Variants in SCUBE1 observed in about 807,000 individuals in gnomAD.
The protein encoded by SCUBE1 is signal peptide, CUB domain and EGF like domain containing 1, also known as signal peptide, CUB and EGF-like domain-containing protein 1.
A neutral mutation model predicts 124.4 loss-of-function variants in SCUBE1; 59 were observed. The ratio of observed to expected loss-of-function variants is 0.47; its 90% CI spans 0.38 to 0.59. SCUBE1 has a LOEUF of 0.59. Ranked by LOEUF, SCUBE1 falls within the 20% of genes least tolerant of loss-of-function variation. The pLI is 0.00. For synonymous variants in SCUBE1, 545 were observed against 550.9 expected, an observed-to-expected ratio of 0.99 and a Z score of 0.15; for missense variants, 1,150 against 1,371.2, an observed-to-expected ratio of 0.84 and a Z score of 2.55.
intron 3 of SCUBE1, among the ~76,000 whole-genome samples, chr22:43,302,235 G>T (rs1351856838): frequency 6.6e-6 from 1 of 152,220 alleles, no homozygotes; most frequent in Admixed American, 6.5e-5. Flanking sequence ...TGCATGACGG[G>T]ATCCATGTTG....
intron 3 of SCUBE1, among the ~76,000 whole-genome samples, chr22:43,302,475 T>G (rs1480020770): frequency 6.6e-6 from 1 of 152,224 alleles, no homozygotes; most frequent in East Asian, 1.9e-4. Context: ...CTTGAACTTC[T>G]AGATCACAGG....
At chr22:43,289,432 C>T (rs1307976314) in intron 4 of SCUBE1, among the ~76,000 whole-genome samples, 1 of 152,234 alleles carries the variant, frequency 6.6e-6, no homozygotes, top group East Asian at 1.9e-4. Context: ...TGCCAGGAGC[C>T]ACGGAGCTCG....
In SCUBE1 at chr22:43,231,893, G is replaced by C; in HGVS notation, c.845-18C>G. ...GTTGATGTCTGTGGGAGCCAAGGGG[G>C]ATGGAGGAGTGAGAGCCAGGAGAAT... is the stretch of plus-strand genomic sequence containing the variant. On this transcript the variant is annotated intron_variant, in intron 7 of 21. Coordinates refer to ENST00000360835, the MANE Select transcript of SCUBE1 (RefSeq NM_173050.5). 14 of 1,610,610 alleles carry C rather than the reference G, an allele frequency of 8.7e-6. No individual in the cohort carries two copies. Among genetic ancestry groups the C allele is most frequent in the Non-Finnish European group, 1.2e-5 (14 of 1,177,300 alleles).
chr22:43,210,991 G>C lies in SCUBE1; in HGVS notation c.2314C>G (p.His772Asp). 2.5e-6 allele frequency: 4 copies of C among 1,614,168 alleles called. No individual in the cohort carries two copies. The highest frequency in any genetic ancestry group is 3.4e-6 in the Non-Finnish European group (4 of 1,180,028). ...GTGTTGCCCGGACAGGTGATGCAGT[G>C]GTTCTGGCCAAACTCGGGCTGGTAG... ...GTYQPEFGQNHCITCPGNTST... is the reference protein window; with the variant it reads ...GTYQPEFGQNDCITCPGNTST... The change falls in exon 18 of 22, where the codon CAC (histidine) becomes GAC (aspartate). Residue 772 changes from histidine (H) to aspartate (D), a missense_variant. Physicochemically the swap from His to Asp is moderately conservative, Grantham distance 81. Transcript: ENST00000360835. The surrounding 1 kb of genome is among the most constrained non-coding windows in gnomAD (Gnocchi z 4.5).
rs1490092222 is a variant in SCUBE1 at position 43,199,580 on chromosome 22, C to T, written c.*4417G>A. ...TGGAGAGAAAGCTGCCTGAGGCCTC[C>T]ACCGTGGGCCCACCGTGAGCCCTGC... On this transcript the variant is annotated 3_prime_UTR_variant, in exon 22 of 22. Transcript: ENST00000360835. 6.6e-6 allele frequency: 1 copy of T among 151,280 alleles called. No individual in the cohort carries two copies. Among genetic ancestry groups the T allele is most frequent in the African/African-American group, 2.5e-5 (1 of 40,810 alleles). The allele number at this position is 151,280 out of a possible 1,614,324, so 9.4% of individuals were successfully genotyped here. A position where few individuals can be genotyped will look rare whatever the true frequency, so the allele number is the denominator to read the frequency against.
chr22:43,272,124 G>A (rs1258556622), intron 4 of SCUBE1, among the ~76,000 whole-genome samples: 1 of 152,148 alleles, frequency 6.6e-6, no homozygotes, highest in Non-Finnish European at 1.5e-5. Flanking sequence ...AGGGAACTCT[G>A]CTCCTCTCGT....
intron 12 of SCUBE1, among the ~76,000 whole-genome samples, 179 bp downstream of exon 12, chr22:43,222,459 C>T (rs1359472547): frequency 2.0e-5 from 3 of 152,202 alleles, no homozygotes; most frequent in South Asian, 4.1e-4. Context: ...ACTCGGCCTG[C>T]AGCCTGCTGG....
chr22:43,261,705 G>C (rs1038012077), intron 5 of SCUBE1, among the ~76,000 whole-genome samples: 1 of 152,216 alleles, frequency 6.6e-6, no homozygotes, highest in Non-Finnish European at 1.5e-5. Context: ...TCTCTATTGG[G>C]AGTTGGAACT....
In SCUBE1 at chr22:43,234,503, T is replaced by C. The variant is rs1359106253; in HGVS notation, c.845-2628A>G. On this transcript the variant is annotated intron_variant, in intron 7 of 21. Coordinates refer to ENST00000360835, the MANE Select transcript of SCUBE1 (RefSeq NM_173050.5). The surrounding 1 kb of genome is among the most constrained non-coding windows in gnomAD (Gnocchi z 4.4). ...GGGCCTGTCTGCTAAGGGGCTGTCA[T>C]AGCAACCAGACAGGCAGAGGGAGGC... 3.9e-5 allele frequency among the ~76,000 whole-genome samples: 6 copies of C among 152,124 alleles called. No homozygotes were observed. Among genetic ancestry groups the C allele is most frequent in the Admixed American group, 3.9e-4 (6 of 15,270 alleles).
rs1468963908 is a variant in SCUBE1 at position 43,199,526 on chromosome 22, T to C, written c.*4471A>G. 6.6e-6 allele frequency: 1 copy of C among 151,360 alleles called. No individual in the cohort carries two copies. Among genetic ancestry groups the C allele is most frequent in the Non-Finnish European group, 1.5e-5 (1 of 68,086 alleles). 9.4% of individuals were successfully genotyped at this position (151,360 alleles called of 1,614,324 possible). A position where few individuals can be genotyped will look rare whatever the true frequency, so the allele number is the denominator to read the frequency against. On this transcript the variant is annotated 3_prime_UTR_variant, in exon 22 of 22. Coordinates refer to ENST00000360835, the MANE Select transcript of SCUBE1 (RefSeq NM_173050.5). ...TTTGGCCCGTGTTTCAGCTCTACTT[T>C]ATCTGTGTGTCCTAAGCCAATGGGT...
intron 6 of SCUBE1, among the ~76,000 whole-genome samples, chr22:43,257,969 GC>G (rs2146706371): frequency 6.6e-6 from 1 of 152,300 alleles, no homozygotes; most frequent in South Asian, 2.1e-4. Flanking sequence ...CCCACGTCAG[GC>G]GTCGCCAGGG....
At chr22:43,244,168 C>A (rs1185127401) in intron 6 of SCUBE1, among the ~76,000 whole-genome samples, 1 of 152,146 alleles carries the variant, frequency 6.6e-6, no homozygotes. Context: ...ACCTCCCAGC[C>A]CATGCCCCGC....
chr22:43,209,655 G>A (rs926797812), intron 19 of SCUBE1, among the ~76,000 whole-genome samples: 3 of 152,366 alleles, frequency 2.0e-5, no homozygotes, highest in Non-Finnish European at 4.4e-5. Flanking sequence ...CAGCGGGCGG[G>A]AGGAGACCCA....
intron 4 of SCUBE1, among the ~76,000 whole-genome samples, chr22:43,264,835 A>G (rs1010903367): frequency 6.6e-6 from 1 of 151,946 alleles, no homozygotes; most frequent in South Asian, 2.1e-4. Flanking sequence ...CCATAAACTA[A>G]ATCCTAGGCC....
At chr22:43,232,046 C>G (rs1922576696) in intron 7 of SCUBE1, 171 bp from the exon 8 acceptor site, 1 of 674,498 alleles carries the variant, frequency 1.5e-6, no homozygotes, top group Non-Finnish European at 2.6e-6. Context: ...GGGGCCCTGT[C>G]TCGCAGGGGT....
intron 20 of SCUBE1, 63 bp downstream of exon 20, chr22:43,208,009 C>A: frequency 6.3e-7 from 1 of 1,582,584 alleles, no homozygotes; most frequent in Non-Finnish European, 8.7e-7. Flanking sequence ...TGCGACTCAT[C>A]TCTGTGTCTC....
chr22:43,268,150 G>C (rs1002357935), intron 4 of SCUBE1, among the ~76,000 whole-genome samples: 5 of 152,226 alleles, frequency 3.3e-5, no homozygotes, highest in African/African-American at 7.2e-5. Flanking sequence ...CAGAGCAGGG[G>C]CCCAGTCTAC....
At chr22:43,341,075 C>T (rs1320364955) in intron 1 of SCUBE1, among the ~76,000 whole-genome samples, 1 of 128,522 alleles carries the variant, frequency 7.8e-6, no homozygotes, top group Non-Finnish European at 1.7e-5. Flanking sequence ...ACAGCATGAC[C>T]CCCCTGCACA....
chr22:43,231,972 C>T lies in SCUBE1; in HGVS notation c.845-97G>A, dbSNP rs1922572790. The T allele has an allele frequency of 1.4e-6, 2 of 1,464,436 alleles. 1 individual carries two copies. The highest frequency in any genetic ancestry group is 2.4e-5 in the South Asian group (2 of 83,240). The allele number at this position is 1,464,436 out of a possible 1,614,324, so 90.7% of individuals were successfully genotyped here. ...AGGCTAGCGGCAGGGGATGACACTG[C>T]CCTGAGTTGCCTGGTGCCCACTTCC... is the stretch of plus-strand genomic sequence containing the variant. On this transcript the variant is annotated intron_variant, in intron 7 of 21. Coordinates refer to ENST00000360835, the MANE Select transcript of SCUBE1 (RefSeq NM_173050.5).
Sources: allele counts gnomAD v4.1 joint callset (sites outside exome capture counted in the v4.1 genomes callset), GRCh38; gene constraint gnomAD v4.1.1; non-coding constraint Gnocchi (gnomAD v3.1); transcripts MANE v1.5; gene names NCBI Gene and HGNC (gene_info 2026-07-23, HGNC 2026-07-21).